The following KIR3DL1 variants were observed in gnomAD, a reference collection of about 807,000 sequenced individuals.
KIR3DL1 encodes the protein killer cell immunoglobulin-like receptor 3DL1.
Under a neutral mutation model 40.3 loss-of-function variants are expected in KIR3DL1, and 50 were observed. The ratio of observed to expected loss-of-function variants is 1.24; its 90% CI spans 0.99 to 1.57. The LOEUF (loss-of-function observed/expected upper bound fraction) is 1.57, where lower values mean the gene tolerates loss of function less well. KIR3DL1 is among the 40% of genes most tolerant of loss of function. The probability of loss-of-function intolerance (pLI) is 0.00; values close to 1 mark genes in which losing one functional copy is unlikely to be tolerated. For missense variants in KIR3DL1, 661 were observed against 559.9 expected, an observed-to-expected ratio of 1.18 and a Z score of -1.82; for synonymous variants, 257 against 207.2, an observed-to-expected ratio of 1.24 and a Z score of -2.07.
intron 6 of KIR3DL1, among the ~76,000 whole-genome samples, chr19:54,827,899 T>C (rs4806573): frequency 0.37 from 54,774 of 148,234 alleles, 11,003 homozygotes; most frequent in Middle Eastern, 0.44. Flanking sequence ...AAATCCCCCA[T>C]CTCACCCCTA....
intron 4 of KIR3DL1, among the ~76,000 whole-genome samples, chr19:54,820,426 C>T (rs978907773): frequency 4.0e-5 from 6 of 151,510 alleles, no homozygotes; most frequent in African/African-American, 1.5e-4. Context: ...GCCCTGTGGC[C>T]TCAGGCCTTG....
Position 54,829,272 on chromosome 19 carries a change from G to C in KIR3DL1, c.1001-89G>C, listed in dbSNP as rs1480707307. The C allele has an allele frequency of 2.1e-5, 23 of 1,111,788 alleles. 4 individuals carry two copies. The highest frequency in any genetic ancestry group is 3.0e-5 in the Non-Finnish European group (23 of 766,914). The allele number at this position is 1,111,788 out of a possible 1,614,324, so 68.9% of individuals were successfully genotyped here. A position where few individuals can be genotyped will look rare whatever the true frequency, so the allele number is the denominator to read the frequency against. The stretch of plus-strand genomic sequence containing the variant: ...TGCTTGTCCGAAAGAGATGCTGTAA[G>C]TGGTTACCTGTCAATCAAGAAATGC... On this transcript the variant is annotated intron_variant, in intron 6 of 8. Transcript: ENST00000391728.
At chr19:54,830,432 C>A in exon 9 of KIR3DL1, 1 of 931,354 alleles carries the variant, frequency 1.1e-6, no homozygotes, top group South Asian at 1.7e-5. Context: ...TGGTGCCTCT[C>A]TCTTGCTTAC....
intron 5 of KIR3DL1, among the ~76,000 whole-genome samples, chr19:54,822,270 TA>T (rs976083966): frequency 6.6e-6 from 1 of 151,260 alleles, no homozygotes; most frequent in Admixed American, 6.6e-5. Context: ...TTATTGAGGT[TA>T]AATGTAACTA....
At chr19:54,818,535 T>C (rs569871576) in exon 3 of KIR3DL1, 2 of 1,611,196 alleles carry the variant, frequency 1.2e-6, no homozygotes, top group East Asian at 2.2e-5. Flanking sequence ...CATGTCGGGG[T>C]TCACACCCAC....
Position 54,829,528 on chromosome 19 carries a change from C to A in KIR3DL1, c.1105+63C>A, listed in dbSNP as rs1048858322. The stretch of plus-strand genomic sequence containing the variant: ...CATGTGGGGAAGCAGGATGGGAGCA[C>A]ACAGCTGTGTGTTCCTCACTGGCAG... On this transcript the variant is annotated intron_variant, in intron 7 of 8. Transcript: ENST00000391728. The A allele has an allele frequency of 3.9e-6, 5 of 1,286,160 alleles. 1 individual carries two copies. Among genetic ancestry groups the A allele is most frequent in the Non-Finnish European group, 5.4e-6 (5 of 925,298 alleles). 79.7% of individuals were successfully genotyped at this position (1,286,160 alleles called of 1,614,324 possible).
At chr19:54,829,311 T>C (rs368157438) in intron 6 of KIR3DL1, 50 bp from the exon 7 acceptor site, 4 of 1,239,530 alleles carry the variant, frequency 3.2e-6, no homozygotes, top group Non-Finnish European at 3.4e-6. Flanking sequence ...ACAATTCATA[T>C]AGAGAAACTG....
exon 5 of KIR3DL1, chr19:54,821,833 T>G: frequency 6.2e-7 from 1 of 1,602,612 alleles, no homozygotes; most frequent in South Asian, 1.1e-5. Context: ...CAGACCCGAG[T>G]GACCCACTGC....
rs183324776 is a variant in KIR3DL1 at position 54,828,853 on chromosome 19, G to A, written c.1001-508G>A. 4.1e-4 allele frequency among the ~76,000 whole-genome samples: 52 copies of A among 126,468 alleles called. 4 individuals are homozygous for A. Among genetic ancestry groups the A allele is most frequent in the Admixed American group, 2.1e-3 (25 of 11,720 alleles). 83.0% of individuals were successfully genotyped at this position (126,468 alleles called of 152,430 possible). ...GGCACCAGCATCTATTTCTTATGAT[G>A]GCCTCAGGCCGCTCCCACTCTGGCA... On this transcript the variant is annotated intron_variant, in intron 6 of 8. Transcript: ENST00000391728.
intron 7 of KIR3DL1, 70 bp from the exon 8 acceptor site, chr19:54,829,858 G>C (rs1264027878): frequency 5.0e-6 from 7 of 1,395,878 alleles, no homozygotes; most frequent in African/African-American, 4.3e-5. Context: ...CCTGTTTGTT[G>C]GTATCTGCTT....
intron 6 of KIR3DL1, among the ~76,000 whole-genome samples, chr19:54,828,639 A>G (rs1260019273): frequency 6.6e-6 from 1 of 150,514 alleles, no homozygotes; most frequent in Non-Finnish European, 1.5e-5. Flanking sequence ...ACTCAGCTAA[A>G]GCACTGCATG....
At chr19:54,821,709 C>A (rs777275750) in exon 5 of KIR3DL1, 3 of 1,609,176 alleles carry the variant, frequency 1.9e-6, no homozygotes, top group Non-Finnish European at 2.5e-6. Context: ...CGTAGGCTCC[C>A]TGCAGTGCGC....
intron 4 of KIR3DL1, 143 bp downstream of exon 4, chr19:54,820,155 G>C: frequency 1.1e-6 from 1 of 890,930 alleles, no homozygotes; most frequent in Non-Finnish European, 1.7e-6. Context: ...TGTACCAACA[G>C]AGACAGAGAA....
At chr19:54,817,560 C>T in exon 2 of KIR3DL1, 1 of 1,512,260 alleles carries the variant, frequency 6.6e-7, no homozygotes, top group Non-Finnish European at 9.0e-7. Context: ...GAGGGCCGGT[C>T]CACACATGGG....
chr19:54,818,087 A>T (rs1391183851), intron 2 of KIR3DL1, among the ~76,000 whole-genome samples: 1 of 130,412 alleles, frequency 7.7e-6, no homozygotes, highest in Non-Finnish European at 1.6e-5. Context: ...ATTTTGCAGT[A>T]TTAAAATCTA....
Position 54,829,482 on chromosome 19 carries a change from A to G in KIR3DL1, c.1105+17A>G, listed in dbSNP as rs865915257. ...ACAAAAAAAGTAAGTCTCACGGGGC[A>G]CAGGCCAGAGAGCTCAGGGCCATGT... is the stretch of plus-strand genomic sequence containing the variant. On this transcript the variant is annotated intron_variant, in intron 7 of 8. Transcript: ENST00000391728. 2.1e-6 allele frequency: 3 copies of G among 1,435,092 alleles called. 1 individual carries two copies. The Middle Eastern group carries it at 5.4e-4, about 260-fold the overall frequency. The allele number at this position is 1,435,092 out of a possible 1,614,324, so 88.9% of individuals were successfully genotyped here.
chr19:54,828,976 T>C (rs1299000850), intron 6 of KIR3DL1, among the ~76,000 whole-genome samples: 4 of 141,244 alleles, frequency 2.8e-5, no homozygotes, highest in African/African-American at 1.0e-4. Flanking sequence ...CAAGCTCTTT[T>C]TAACAACCAG....
rs148234764 is a variant in KIR3DL1, at chr19:54,829,927, G to C, written c.1106-1G>C. 9.5e-4 allele frequency: 1,444 copies of C among 1,525,116 alleles called. 241 individuals carry two copies. Among genetic ancestry groups the C allele is most frequent in the Non-Finnish European group, 1.2e-3 (1,337 of 1,123,276 alleles). The allele number at this position is 1,525,116 out of a possible 1,614,324, so 94.5% of individuals were successfully genotyped here. A position where few individuals can be genotyped will look rare whatever the true frequency, so the allele number is the denominator to read the frequency against. On this transcript the variant is annotated splice_acceptor_variant, in intron 7 of 8. Coordinates refer to ENST00000391728, the Ensembl canonical transcript of KIR3DL1. LOFTEE classifies it high-confidence loss of function. ...CTTTTGTTGACTTCCGTCTCCTACA[G>C]ATGCTGCTGTAATGGACCAAGAGCC...
chr19:54,818,404 A>T (rs769796343), exon 3 of KIR3DL1: 11 of 1,607,078 alleles, frequency 6.8e-6, no homozygotes, highest in Non-Finnish European at 9.3e-6. Context: ...CTATCGTCAT[A>T]GGTTTAACAA....
Sources: allele counts gnomAD v4.1 joint callset (sites outside exome capture counted in the v4.1 genomes callset), GRCh38; gene constraint gnomAD v4.1.1; transcripts MANE v1.5; gene names NCBI Gene and HGNC (gene_info 2026-07-23, HGNC 2026-07-21).